CSMD1: variants seen among roughly 807,000 people sequenced by gnomAD.
CSMD1 encodes the protein CUB and Sushi multiple domains 1, also known as CUB and sushi domain-containing protein 1.
In CSMD1, 213 loss-of-function variants were observed where a neutral mutation model predicts 417.5. The ratio of observed to expected loss-of-function variants is 0.51; its 90% CI spans 0.46 to 0.57. The LOEUF (loss-of-function observed/expected upper bound fraction) is 0.57. CSMD1 is among the 20% of genes least tolerant of loss of function. The pLI is 0.00. For synonymous variants in CSMD1, 2,862 were observed against 1,736.8 expected, an observed-to-expected ratio of 1.65 and a Z score of -16.11; for missense variants, 6,923 against 4,529.7, an observed-to-expected ratio of 1.53 and a Z score of -15.17.
chr8:4,937,750 G>T (rs930911919), intron 1 of CSMD1, among the ~76,000 whole-genome samples: 1 of 151,670 alleles, frequency 6.6e-6, no homozygotes, highest in Non-Finnish European at 1.5e-5. Flanking sequence ...AGTGTGATCT[G>T]ATCTAGAGAG....
chr8:3,718,919 T>G (rs929945018), intron 6 of CSMD1, among the ~76,000 whole-genome samples: 1 of 152,050 alleles, frequency 6.6e-6, no homozygotes, highest in Non-Finnish European at 1.5e-5. Flanking sequence ...GGAGCCAATT[T>G]AAACCTTTTC....
At chr8:4,202,966 C>G (rs751114832) in intron 3 of CSMD1, among the ~76,000 whole-genome samples, 3 of 152,168 alleles carry the variant, frequency 2.0e-5, no homozygotes, top group South Asian at 4.2e-4. Context: ...GGGAGGAGAA[C>G]GATTACCTCC....
chr8:4,462,584 C>G (rs758123616), intron 2 of CSMD1, among the ~76,000 whole-genome samples: 1 of 152,140 alleles, frequency 6.6e-6, no homozygotes, highest in Admixed American at 6.6e-5. Context: ...CTACCTGATT[C>G]AGCACTTTCT....
chr8:2,971,554 G>C (rs1804459279), intron 57 of CSMD1, among the ~76,000 whole-genome samples: 1 of 152,148 alleles, frequency 6.6e-6, no homozygotes, highest in Non-Finnish European at 1.5e-5. Flanking sequence ...ATATCGGGAA[G>C]ATAGAACATC....
At chr8:4,354,389 T>G (rs1226401870) in intron 3 of CSMD1, among the ~76,000 whole-genome samples, 1 of 152,188 alleles carries the variant, frequency 6.6e-6, no homozygotes, top group Non-Finnish European at 1.5e-5. Context: ...TCGTAACTAT[T>G]AAAATACACC....
chr8:4,657,006 G>A (rs1311731136), intron 1 of CSMD1, among the ~76,000 whole-genome samples: 10 of 152,060 alleles, frequency 6.6e-5, no homozygotes, highest in Non-Finnish European at 1.3e-4. Context: ...AAAAACCACC[G>A]TAGGGCACGC....
chr8:3,152,359 T>C (rs908667154), intron 39 of CSMD1, among the ~76,000 whole-genome samples: 1 of 152,206 alleles, frequency 6.6e-6, no homozygotes, highest in East Asian at 1.9e-4. Context: ...TTTCTTATAT[T>C]CCAAAATTAA....
At chr8:3,792,516 A>G (rs958852258) in intron 5 of CSMD1, among the ~76,000 whole-genome samples, 10 of 152,270 alleles carry the variant, frequency 6.6e-5, no homozygotes, top group Non-Finnish European at 8.8e-5. Flanking sequence ...GATTACTGTC[A>G]ATTATCTCAC....
At chr8:3,713,070 A>G (rs1003294252) in intron 6 of CSMD1, among the ~76,000 whole-genome samples, 2 of 152,234 alleles carry the variant, frequency 1.3e-5, no homozygotes, top group Non-Finnish European at 2.9e-5. Flanking sequence ...AAAACTTGAA[A>G]TAAATATGAC....
chr8:3,065,371 T>A (rs1812871788), intron 49 of CSMD1, among the ~76,000 whole-genome samples: 1 of 151,682 alleles, frequency 6.6e-6, no homozygotes, highest in Non-Finnish European at 1.5e-5. Context: ...GATAGATAAA[T>A]AGGTCAAAAG....
intron 7 of CSMD1, among the ~76,000 whole-genome samples, chr8:3,678,965 T>G (rs2117591507): frequency 6.6e-6 from 1 of 152,164 alleles, no homozygotes; most frequent in Admixed American, 6.5e-5. Flanking sequence ...AATAAAATAC[T>G]TCACAGACAA....
intron 10 of CSMD1, among the ~76,000 whole-genome samples, chr8:3,541,498 T>G (rs1466501110): frequency 2.0e-5 from 3 of 151,548 alleles, no homozygotes; most frequent in African/African-American, 7.3e-5. Context: ...ATAACAAATC[T>G]GCACCTCCTG....
intron 1 of CSMD1, among the ~76,000 whole-genome samples, chr8:4,695,025 A>T (rs1807024277): frequency 6.6e-6 from 1 of 151,974 alleles, no homozygotes; most frequent in South Asian, 2.1e-4. Flanking sequence ...AGCTCCCTTT[A>T]CTTATCTGTC....
intron 10 of CSMD1, among the ~76,000 whole-genome samples, chr8:3,553,569 C>G (rs1799011896): frequency 6.6e-6 from 1 of 152,178 alleles, no homozygotes; most frequent in Non-Finnish European, 1.5e-5. Flanking sequence ...ACAATTACAG[C>G]TCTACCTTTT....
intron 1 of CSMD1, among the ~76,000 whole-genome samples, chr8:4,905,137 A>C (rs1805157452): frequency 1.3e-5 from 2 of 152,130 alleles, no homozygotes; most frequent in Non-Finnish European, 2.9e-5. Flanking sequence ...TAAATGTCAT[A>C]AGGAATGAAA....
At chr8:4,030,410 A>G (rs1459585624) in intron 4 of CSMD1, among the ~76,000 whole-genome samples, 2 of 152,206 alleles carry the variant, frequency 1.3e-5, no homozygotes, top group Non-Finnish European at 2.9e-5. Context: ...GCTCAACACC[A>G]CATGGAAGCT....
intron 5 of CSMD1, among the ~76,000 whole-genome samples, chr8:3,920,603 G>C (rs1400337795): frequency 6.6e-6 from 1 of 152,006 alleles, no homozygotes; most frequent in Non-Finnish European, 1.5e-5. Flanking sequence ...ATGTACATTA[G>C]TTATGGGCTT....
In CSMD1 at chr8:3,407,985, T is replaced by A; in HGVS notation, c.1985A>T (p.Gln662Leu). The A allele has an allele frequency of 6.2e-7, 1 of 1,613,946 alleles. No homozygotes were observed. Among genetic ancestry groups the A allele is most frequent in the Non-Finnish European group, 8.5e-7 (1 of 1,179,884 alleles). The part of the protein sequence containing the change: ...GTFSGNEVPS[Q>L]LASSGHIVRL... ...AACTATATGCCCACTGCTGGCCAGC[T>A]GGGAAGGCACTTCATTGCCAGAAAA... Residue 662 changes from glutamine (Q) to leucine (L), a missense_variant, in exon 14 of 70, where the codon CAG becomes CTG. Physicochemically the swap from Gln to Leu is moderately radical, Grantham distance 113 (BLOSUM62 -2). Transcript: ENST00000635120.
intron 7 of CSMD1, among the ~76,000 whole-genome samples, chr8:3,670,255 G>A (rs988197137): frequency 6.6e-6 from 1 of 151,890 alleles, no homozygotes; most frequent in Non-Finnish European, 1.5e-5. Flanking sequence ...ATATGAAAAG[G>A]TCAGACTGGC....
Sources: gnomAD v4.1 joint callset for allele counts (sites outside exome capture counted in the v4.1 genomes callset) on GRCh38, gnomAD v4.1.1 for gene constraint, MANE v1.5 for transcripts, NCBI Gene and HGNC (gene_info 2026-07-23, HGNC 2026-07-21) for gene names.